Variants in IQGAP2 observed in about 807,000 individuals in gnomAD.
The protein encoded by IQGAP2 is ras GTPase-activating-like protein IQGAP2.
A neutral mutation model predicts 201.3 loss-of-function variants in IQGAP2; 173 were observed. That is an observed-to-expected ratio of 0.86 (90% confidence interval 0.76 to 0.98). The LOEUF is 0.98. Among genes scored for constraint, IQGAP2 ranks in the 50% least tolerant of loss-of-function variants. The probability of loss-of-function intolerance (pLI) is 0.00; values close to 1 mark genes in which losing one functional copy is unlikely to be tolerated. For missense variants in IQGAP2, 1,687 were observed against 1,864.8 expected, an observed-to-expected ratio of 0.90 and a Z score of 1.76; for synonymous variants, 675 against 673.9, an observed-to-expected ratio of 1.00 and a Z score of -0.03.
chr5:76,593,633 G>A (rs1452971218), intron 9 of IQGAP2, among the ~76,000 whole-genome samples: 3 of 152,178 alleles, frequency 2.0e-5, no homozygotes, highest in Admixed American at 2.0e-4. Context: ...CATCAGAAGA[G>A]TCAGTAAGAA....
chr5:76,637,279 A>C, intron 16 of IQGAP2, 103 bp downstream of exon 16: 1 of 897,258 alleles, frequency 1.1e-6, no homozygotes, highest in Non-Finnish European at 1.7e-6. Context: ...TAACTGATTT[A>C]TCTGAAGTCT....
chr5:76,655,610 G>A (rs1752849981), intron 20 of IQGAP2, among the ~76,000 whole-genome samples: 1 of 152,062 alleles, frequency 6.6e-6, no homozygotes, highest in Non-Finnish European at 1.5e-5. Flanking sequence ...ACCACACCCA[G>A]CTAATATTTT....
chr5:76,506,302 C>A (rs1757602593), intron 2 of IQGAP2, among the ~76,000 whole-genome samples: 1 of 152,176 alleles, frequency 6.6e-6, no homozygotes, highest in African/African-American at 2.4e-5. Context: ...CATTCTCATA[C>A]CCTATCTAAG....
At chr5:76,702,655 T>C (rs903916743) in intron 35 of IQGAP2, 65 bp downstream of exon 35, 8 of 720,684 alleles carry the variant, frequency 1.1e-5, no homozygotes, top group Non-Finnish European at 2.0e-5. Flanking sequence ...ATTGCTACCC[T>C]GGCTCTCTCT....
intron 13 of IQGAP2, among the ~76,000 whole-genome samples, chr5:76,618,848 T>C (rs566620835): frequency 1.8e-4 from 28 of 152,284 alleles, no homozygotes; most frequent in Middle Eastern, 3.4e-3. Context: ...AAACAAAAAC[T>C]AAATGATCAG....
At chr5:76,488,292 A>G (rs78545122) in intron 2 of IQGAP2, among the ~76,000 whole-genome samples, 20 of 152,208 alleles carry the variant, frequency 1.3e-4, no homozygotes, top group Non-Finnish European at 2.2e-4. Context: ...AAAGTGTGAC[A>G]TTTGTCTGTG....
intron 2 of IQGAP2, among the ~76,000 whole-genome samples, chr5:76,560,800 A>G (rs905939898): frequency 6.6e-6 from 1 of 152,154 alleles, no homozygotes; most frequent in African/African-American, 2.4e-5. Context: ...CATATATACT[A>G]TTCCCCTCCC....
intron 2 of IQGAP2, among the ~76,000 whole-genome samples, chr5:76,511,221 A>G (rs1404149658): frequency 6.6e-6 from 1 of 152,136 alleles, no homozygotes; most frequent in Non-Finnish European, 1.5e-5. Flanking sequence ...ATGGGTGGCT[A>G]ATGGTATTGG....
At chr5:76,599,143 A>G (rs1054882544) in intron 10 of IQGAP2, among the ~76,000 whole-genome samples, 1 of 152,074 alleles carries the variant, frequency 6.6e-6, no homozygotes, top group African/African-American at 2.4e-5. Context: ...GCACTTTGGG[A>G]GGCTGAGACA....
At chr5:76,411,546 C>G (rs7707426) in intron 1 of IQGAP2, among the ~76,000 whole-genome samples, 65,902 of 151,870 alleles carry the variant, frequency 0.43, 15,089 homozygotes, top group Non-Finnish European at 0.5. Context: ...TTCTGCCCTC[C>G]TGAATGGGTT....
Position 76,641,043 on chromosome 5 carries a change from A to G in IQGAP2, c.2034A>G (p.Glu678=), listed in dbSNP as rs752929405. ...CAAGCTCAGGACCCATCCTTAGGGA[A>G]GAGTTTGAAGCTAGAAAATCATTTT... The part of the protein sequence containing the change: ...QATSSGPILR[E]EFEARKSFLH... The change falls in exon 17 of 36, where the codon GAA becomes GAG. Residue 678 remains glutamate (E), a synonymous_variant. Transcript: ENST00000274364. 3 of 1,610,442 alleles carry G rather than the reference A, an allele frequency of 1.9e-6. No individual in the cohort carries two copies. The highest frequency in any genetic ancestry group is 1.7e-6 in the Non-Finnish European group (2 of 1,176,990).
chr5:76,521,785 G>T (rs895252975), intron 2 of IQGAP2, among the ~76,000 whole-genome samples: 2 of 152,172 alleles, frequency 1.3e-5, no homozygotes, highest in Non-Finnish European at 2.9e-5. Flanking sequence ...GAACACAGAT[G>T]ATTGTGTACC....
intron 33 of IQGAP2, among the ~76,000 whole-genome samples, chr5:76,700,014 C>T (rs10213703): frequency 0.8 from 69,388 of 87,144 alleles, 29,088 homozygotes; most frequent in African/African-American, 0.95. Flanking sequence ...ACACACACTA[C>T]ATATAGTGTG....
chr5:76,671,831 T>C lies in IQGAP2; in HGVS notation c.2916T>C (p.Asn972=), dbSNP rs1265923654. 3 of 1,614,000 alleles carry C rather than the reference T, an allele frequency of 1.9e-6. No individual in the cohort carries two copies. The highest frequency in any genetic ancestry group is 2.5e-6 in the Non-Finnish European group (3 of 1,179,988). Residue 972 remains asparagine (N), a synonymous_variant, in exon 24 of 36, where the codon AAT becomes AAC. Coordinates refer to ENST00000274364, the MANE Select transcript of IQGAP2 (RefSeq NM_006633.5). ...PTVIKMVVSF[N]RGARGQNTLR... ...TCATCAAGATGGTCGTCAGCTTCAA[T>C]AGAGGTGCCCGGGGACAGAACACCC...
chr5:76,522,329 C>T (rs1360186820), intron 2 of IQGAP2, among the ~76,000 whole-genome samples: 1 of 152,000 alleles, frequency 6.6e-6, no homozygotes, highest in African/African-American at 2.4e-5. Flanking sequence ...ATTATAGGTG[C>T]CTGCCATCAT....
At chr5:76,584,376 A>T (rs111297649) in intron 5 of IQGAP2, among the ~76,000 whole-genome samples, 1 of 152,342 alleles carries the variant, frequency 6.6e-6, no homozygotes, top group African/African-American at 2.4e-5. Flanking sequence ...CTAACCAGAA[A>T]TTTGAACAAC....
intron 11 of IQGAP2, among the ~76,000 whole-genome samples, chr5:76,604,313 C>CTTT (rs142119457): frequency 2.0e-5 from 3 of 150,630 alleles, no homozygotes; most frequent in African/African-American, 7.3e-5. Context: ...TGAACTCATC[C>CTTT]TTTTTTTTTA....
chr5:76,595,607 A>T (rs1177410352), intron 9 of IQGAP2, among the ~76,000 whole-genome samples: 2 of 151,946 alleles, frequency 1.3e-5, no homozygotes, highest in African/African-American at 2.4e-5. Flanking sequence ...AAAAAAATTT[A>T]AAAATTAGCC....
At position 76,641,039 on chromosome 5, in the gene IQGAP2, G is replaced by A. The variant is rs1258279165; in HGVS notation, c.2030G>A (p.Arg677Lys). Residue 677 changes from arginine to lysine, a missense_variant, in exon 17 of 36, where the codon AGG becomes AAG. Transcript: ENST00000274364. Reference protein sequence around the residue: ...FQATSSGPILREEFEARKSFL... With the variant: ...FQATSSGPILKEEFEARKSFL... ...GCCACAAGCTCAGGACCCATCCTTA[G>A]GGAAGAGTTTGAAGCTAGAAAATCA... The A allele has an allele frequency of 2.5e-6, 4 of 1,610,560 alleles. No individual in the cohort carries two copies. The highest frequency in any genetic ancestry group is 1.6e-4 in the Middle Eastern group (1 of 6,062).
Sources: gnomAD v4.1 joint callset for allele counts (sites outside exome capture counted in the v4.1 genomes callset) on GRCh38, gnomAD v4.1.1 for gene constraint, MANE v1.5 for transcripts, NCBI Gene and HGNC (gene_info 2026-07-23, HGNC 2026-07-21) for gene names.